The following PPP1R37 variants were observed in gnomAD, a reference collection of about 807,000 sequenced individuals.
PPP1R37 encodes leucine rich repeat containing 68.
In PPP1R37, 21 loss-of-function variants were observed where a neutral mutation model predicts 61.0. The ratio of observed to expected loss-of-function variants is 0.34; its 90% CI spans 0.24 to 0.50. The LOEUF is 0.50. Ranked by LOEUF, PPP1R37 falls within the 20% of genes least tolerant of loss-of-function variation. The pLI is 0.98. For synonymous variants in PPP1R37, 443 were observed against 433.5 expected, an observed-to-expected ratio of 1.02 and a Z score of -0.27; for missense variants, 910 against 952.7, an observed-to-expected ratio of 0.96 and a Z score of 0.59.
chr19:45,145,851 C>G lies in PPP1R37; in HGVS notation c.1795C>G (p.Pro599Ala). The change falls in exon 11 of 13, where the codon CCC (proline) becomes GCC (alanine). Residue 599 changes from proline to alanine, a missense_variant. By Grantham distance (27) the Pro-to-Ala change is conservative. Transcript: ENST00000221462. ...CTCTCCCCCACCCCCTCCCTCCCCA[C>G]CCGCCTCACCTTCCCTACCACCAGC... The part of the protein sequence containing the change: ...PPSPPPPPSP[P>A]ASPSLPPAGA... 1 of 1,517,664 alleles carries G rather than the reference C, an allele frequency of 6.6e-7. No homozygotes were observed. Among genetic ancestry groups the G allele is most frequent in the Non-Finnish European group, 8.8e-7 (1 of 1,134,974 alleles). The allele number at this position is 1,517,664 out of a possible 1,614,324, so 94.0% of individuals were successfully genotyped here.
intron 1 of PPP1R37, among the ~76,000 whole-genome samples, chr19:45,116,050 A>T (rs1048674246): frequency 1.3e-4 from 19 of 151,468 alleles, no homozygotes; most frequent in Admixed American, 2.0e-4. Context: ...GGACCCAGGG[A>T]TTAAGGCCTT....
chr19:45,102,210 C>G (rs1599689085), intron 1 of PPP1R37, among the ~76,000 whole-genome samples: 1 of 152,232 alleles, frequency 6.6e-6, no homozygotes, highest in African/African-American at 2.4e-5. Flanking sequence ...GGTGGCTTAG[C>G]GCAATATCGG....
Position 45,145,379 on chromosome 19 carries a change from G to A in PPP1R37, c.1323G>A (p.Lys441=), listed in dbSNP as rs1436992177. The change falls in exon 11 of 13, where the codon AAG becomes AAA. Residue 441 remains lysine (K), a synonymous_variant. Coordinates refer to ENST00000221462, the MANE Select transcript of PPP1R37 (RefSeq NM_019121.2). ...TGAAGAGCTTCATCGAGACGCAGAA[G>A]GCGCTGCTGGCCGAGATCCAGAACG... ...EAVKSFIETQ[K]ALLAEIQNGC... 2 of 1,535,180 alleles carry A rather than the reference G, an allele frequency of 1.3e-6. No homozygotes were observed. The highest frequency in any genetic ancestry group is 1.7e-6 in the Non-Finnish European group (2 of 1,146,558).
rs778799087 is a variant in PPP1R37, at chr19:45,144,904, G to A, written c.1038G>A (p.Gly346=). 115 of 1,535,682 alleles carry A rather than the reference G, an allele frequency of 7.5e-5. No individual in the cohort carries two copies. Among genetic ancestry groups the A allele is most frequent in the Non-Finnish European group, 9.3e-5 (107 of 1,146,690 alleles). The change falls in exon 9 of 13, where the codon GGG becomes GGA. Residue 346 remains glycine, a synonymous_variant. Transcript: ENST00000221462. The part of the protein sequence containing the change: ...ETLNLGHNPI[G]NEGVRHLKNG... ...TGAACCTGGGCCACAACCCCATCGG[G>A]AACGAGGGTGTGCGGCACCTCAAGA... is the stretch of plus-strand genomic sequence containing the variant.
intron 1 of PPP1R37, among the ~76,000 whole-genome samples, chr19:45,102,220 G>A (rs1383559728): frequency 2.6e-5 from 4 of 152,210 alleles, no homozygotes; most frequent in Non-Finnish European, 5.9e-5. Flanking sequence ...CGCAATATCG[G>A]TGTCTGATCA....
chr19:45,145,908 T>C lies in PPP1R37; in HGVS notation c.1852T>C (p.Ser618Pro). ...GAIDTRDTGSSEPQPPPEPPR... is the reference protein window; with the variant it reads ...GAIDTRDTGSPEPQPPPEPPR... ...CATTGACACCCGGGACACAGGGTCC[T>C]CTGAGCCTCAGCCACCACCGGAGCC... The change falls in exon 11 of 13, where the codon TCT becomes CCT. Residue 618 changes from serine to proline, a missense_variant. This residue lies in a region of PPP1R37 where 549 missense variants were observed against 505.1 expected (regional missense o/e 1.09). Transcript: ENST00000221462. The C allele has an allele frequency of 6.5e-7, 1 of 1,531,120 alleles. No homozygotes were observed. The highest frequency in any genetic ancestry group is 8.7e-7 in the Non-Finnish European group (1 of 1,145,468). 94.8% of individuals were successfully genotyped at this position (1,531,120 alleles called of 1,614,324 possible). A position where few individuals can be genotyped will look rare whatever the true frequency, so the allele number is the denominator to read the frequency against.
In PPP1R37 at chr19:45,142,181, A is replaced by G. The variant is rs1968621622; in HGVS notation, c.688A>G (p.Ser230Gly). Residue 230 changes from serine to glycine, a missense_variant, in exon 6 of 13, where the codon AGC (serine) becomes GGC (glycine). By Grantham distance (56) the Ser-to-Gly change is moderately conservative (BLOSUM62 0). Transcript: ENST00000221462. ...GGCAGTGCTGCACTTGGAGAACGCC[A>G]GCCTGTCGGGGCGGCCCCTCATGCT... ...SLAVLHLENA[S>G]LSGRPLMLLA... 1 of 1,535,102 alleles carries G rather than the reference A, an allele frequency of 6.5e-7. No individual in the cohort carries two copies. Among genetic ancestry groups the G allele is most frequent in the Non-Finnish European group, 8.7e-7 (1 of 1,146,402 alleles).
intron 1 of PPP1R37, among the ~76,000 whole-genome samples, chr19:45,125,466 A>G (rs932763172): frequency 3.3e-5 from 5 of 152,200 alleles, no homozygotes; most frequent in African/African-American, 4.8e-5. Context: ...TCTAAAAAAT[A>G]AAATATCTGA....
At chr19:45,128,646 A>G in intron 1 of PPP1R37, 1 of 1,244,578 alleles carries the variant, frequency 8.0e-7, no homozygotes. Context: ...AGCATTATGT[A>G]ACACTGGCTT....
chr19:45,111,848 T>C (rs1312795814), intron 1 of PPP1R37, among the ~76,000 whole-genome samples: 1 of 152,166 alleles, frequency 6.6e-6, no homozygotes, highest in Non-Finnish European at 1.5e-5. Flanking sequence ...TCAGGTGGCC[T>C]TTTTAAAAGT....
chr19:45,135,254 AAAG>A lies in PPP1R37; in HGVS notation c.203-3255_203-3253del, dbSNP rs1002133861. 2.4e-4 allele frequency among the ~76,000 whole-genome samples: 36 copies of A among 151,458 alleles called. 1 individual carries two copies. Among genetic ancestry groups the A allele is most frequent in the Admixed American group, 1.6e-3 (25 of 15,192 alleles). On this transcript the variant is annotated intron_variant, in intron 1 of 12. Coordinates refer to ENST00000221462, the MANE Select transcript of PPP1R37 (RefSeq NM_019121.2). ...CAGAGTGAAACTCTGTCTCAAAAAA[AAAG>A]AAGAGGTGCCATCCCAATGCATGAG...
chr19:45,122,738 G>A (rs534382878), intron 1 of PPP1R37, among the ~76,000 whole-genome samples: 1 of 152,196 alleles, frequency 6.6e-6, no homozygotes, highest in Admixed American at 6.5e-5. Flanking sequence ...GAGGCACTGT[G>A]TCCAGATGGC....
At chr19:45,124,553 C>T (rs1416188317) in intron 1 of PPP1R37, among the ~76,000 whole-genome samples, 1 of 151,996 alleles carries the variant, frequency 6.6e-6, no homozygotes, top group Non-Finnish European at 1.5e-5. Context: ...GCCCCCTCCT[C>T]GCTCTCACGC....
At chr19:45,095,758 T>TA (rs371559844) in intron 1 of PPP1R37, among the ~76,000 whole-genome samples, 3,306 of 117,086 alleles carry the variant, frequency 0.028, 91 homozygotes, top group African/African-American at 0.079. Flanking sequence ...GACCCGGTCT[T>TA]AAAAAAAAAA....
rs1052460427 is a variant in PPP1R37, at chr19:45,140,423, T to C, written c.347-83T>C. The C allele has an allele frequency of 2.1e-5, 7 of 332,404 alleles. No individual in the cohort carries two copies. The African/African-American group carries it at 4.1e-4, about 19-fold the overall frequency. The allele number at this position is 332,404 out of a possible 1,614,324, so 20.6% of individuals were successfully genotyped here. A position where few individuals can be genotyped will look rare whatever the true frequency, so the allele number is the denominator to read the frequency against. ...GGCAGGGGCTGGGCCTGGTGGGGGGTGGGAGGTTGGGGGCAGAGGGCCCTT... is the reference window on the plus strand; with the variant it reads ...GGCAGGGGCTGGGCCTGGTGGGGGGCGGGAGGTTGGGGGCAGAGGGCCCTT... On this transcript the variant is annotated intron_variant, in intron 3 of 12. Coordinates refer to ENST00000221462, the MANE Select transcript of PPP1R37 (RefSeq NM_019121.2).
At chr19:45,096,996 C>T (rs1968001110) in intron 1 of PPP1R37, among the ~76,000 whole-genome samples, 2 of 151,946 alleles carry the variant, frequency 1.3e-5, no homozygotes, top group African/African-American at 4.8e-5. Context: ...CTGGGAACAG[C>T]AAGGAGCAGG....
intron 1 of PPP1R37, among the ~76,000 whole-genome samples, chr19:45,120,268 T>C (rs1356093998): frequency 2.6e-5 from 4 of 152,096 alleles, no homozygotes; most frequent in East Asian, 3.9e-4. Flanking sequence ...CCGCCCACCT[T>C]AGCCTCCCAA....
At chr19:45,102,019 C>G (rs1480852748) in intron 1 of PPP1R37, among the ~76,000 whole-genome samples, 3 of 152,190 alleles carry the variant, frequency 2.0e-5, no homozygotes, top group Non-Finnish European at 4.4e-5. Flanking sequence ...AGTCCCTTCC[C>G]TCGTGCTCCC....
intron 1 of PPP1R37, among the ~76,000 whole-genome samples, chr19:45,099,842 G>A (rs1489280752): frequency 1.3e-5 from 2 of 152,226 alleles, no homozygotes; most frequent in African/African-American, 4.8e-5. Context: ...AATCCAGTTG[G>A]TGCCAGGACG....
Sources: allele counts gnomAD v4.1 joint callset (sites outside exome capture counted in the v4.1 genomes callset), GRCh38; gene constraint gnomAD v4.1.1; regional missense constraint gnomAD v4.1.1; transcripts MANE v1.5; gene names NCBI Gene and HGNC (gene_info 2026-07-23, HGNC 2026-07-21).